The following MYOCD variants were observed in gnomAD, a reference collection of about 807,000 sequenced individuals.
MYOCD encodes myocardin.
In MYOCD, 32 loss-of-function variants were observed where a neutral mutation model predicts 96.1. The ratio of observed to expected loss-of-function variants is 0.33; its 90% CI spans 0.25 to 0.45. The LOEUF is 0.45. Ranked by LOEUF, MYOCD falls within the 20% of genes least tolerant of loss-of-function variation. The pLI, the probability that MYOCD is intolerant of heterozygous loss-of-function variation, is 1.00. For synonymous variants in MYOCD, 469 were observed against 469.0 expected (o/e 1.00, Z 0.00); for missense variants, 1,133 against 1,200.6 (o/e 0.94, Z 0.83).
chr17:12,759,797 C>A (rs2033119357), intron 12 of MYOCD, among the ~76,000 whole-genome samples: 1 of 152,108 alleles, frequency 6.6e-6, no homozygotes, highest in Non-Finnish European at 1.5e-5. Flanking sequence ...AGCAACCAAG[C>A]AAGAGGTAGA....
intron 1 of MYOCD, among the ~76,000 whole-genome samples, chr17:12,678,778 C>T (rs1910263631): frequency 6.6e-6 from 1 of 152,136 alleles, no homozygotes; most frequent in African/African-American, 2.4e-5. Context: ...TCACTGCAAG[C>T]TCCACCTTCC....
chr17:12,746,926 A>G (rs1255039004), intron 9 of MYOCD, among the ~76,000 whole-genome samples: 1 of 151,880 alleles, frequency 6.6e-6, no homozygotes, highest in Non-Finnish European at 1.5e-5. Context: ...ACAGGGTTTC[A>G]CCAGTTGGCC....
intron 9 of MYOCD, among the ~76,000 whole-genome samples, chr17:12,750,241 A>T (rs2032806999): frequency 1.3e-5 from 2 of 152,150 alleles, no homozygotes; most frequent in African/African-American, 4.8e-5. Flanking sequence ...GTGTGAACTG[A>T]ATCACCTGAG....
chr17:12,679,670 G>A (rs535534833), intron 1 of MYOCD, among the ~76,000 whole-genome samples: 2 of 152,206 alleles, frequency 1.3e-5, no homozygotes, highest in South Asian at 2.1e-4. Flanking sequence ...CAGTAACACC[G>A]AGGGAAAAAC....
At chr17:12,736,574 T>C (rs2032352437) in intron 6 of MYOCD, among the ~76,000 whole-genome samples, 3 of 152,174 alleles carry the variant, frequency 2.0e-5, no homozygotes, top group African/African-American at 7.2e-5. Context: ...CTTTAACTTA[T>C]CCATTAAGCA....
chr17:12,755,826 C>G (rs1469635175), intron 10 of MYOCD, among the ~76,000 whole-genome samples: 3 of 152,108 alleles, frequency 2.0e-5, no homozygotes, highest in African/African-American at 7.2e-5. Context: ...GAGCCGAGAT[C>G]GCACCACTGC....
intron 2 of MYOCD, chr17:12,710,583 G>A (rs987188898): frequency 3.2e-5 from 28 of 865,280 alleles, no homozygotes; most frequent in African/African-American, 3.7e-5. Flanking sequence ...CAAGAAGAAT[G>A]ACCGGGGCAA....
chr17:12,732,104 T>G (rs973981764), intron 5 of MYOCD, among the ~76,000 whole-genome samples: 1 of 152,172 alleles, frequency 6.6e-6, no homozygotes, highest in African/African-American at 2.4e-5. Flanking sequence ...GGAGTCATAT[T>G]TGGGGCCTTG....
chr17:12,696,930 A>G (rs117110127), intron 1 of MYOCD, among the ~76,000 whole-genome samples: 2 of 152,280 alleles, frequency 1.3e-5, no homozygotes, highest in East Asian at 3.9e-4. Context: ...GCCAGGAGCT[A>G]GTTTCAGAGG....
Position 12,722,944 on chromosome 17 carries a change from G to A in MYOCD, c.351G>A (p.Gly117=), listed in dbSNP as rs754982425. ...ATGAAAAAATTGCTCTACGACCAGG[G>A]CCACTGGAGCTGGTGGAAAAAAACA... is the stretch of plus-strand genomic sequence containing the variant. The part of the protein sequence containing the change: ...DLNEKIALRP[G]PLELVEKNIL... Residue 117 remains glycine, a synonymous_variant, in exon 5 of 14, where the codon GGG becomes GGA. Coordinates refer to ENST00000425538, the MANE Select transcript of MYOCD (RefSeq NM_001146312.3). The A allele has an allele frequency of 1.2e-6, 2 of 1,613,922 alleles. No homozygotes were observed. Among genetic ancestry groups the A allele is most frequent in the Non-Finnish European group, 1.7e-6 (2 of 1,179,958 alleles).
intron 2 of MYOCD, among the ~76,000 whole-genome samples, chr17:12,714,102 C>T (rs1660026546): frequency 6.6e-6 from 1 of 151,980 alleles, no homozygotes; most frequent in African/African-American, 2.4e-5. Flanking sequence ...GGCAATTCTG[C>T]ATGTTCCTTC....
In MYOCD at chr17:12,732,089, G is replaced by A. The variant is rs77360005; in HGVS notation, c.416-4072G>A. Among the ~76,000 whole-genome samples, 19 of 152,254 alleles carry A rather than the reference G, an allele frequency of 1.2e-4. No individual in the cohort carries two copies. The East Asian group carries it at 3.5e-3, about 28-fold the overall frequency. ...TGGCACATTGTGCTTTTTAGATACC[G>A]GAGAGGAGTCATATTTGGGGCCTTG... On this transcript the variant is annotated intron_variant, in intron 5 of 13. Transcript: ENST00000425538.
chr17:12,726,951 C>T (rs1010462770), intron 5 of MYOCD, among the ~76,000 whole-genome samples: 1 of 151,966 alleles, frequency 6.6e-6, no homozygotes, highest in African/African-American at 2.4e-5. Context: ...TACAACTTAC[C>T]TATTACTAAA....
Position 12,758,159 on chromosome 17 carries a change from T to C in MYOCD, c.2277T>C (p.Ser759=). ...SIPSPTFSKS[S]SAISEVTQPP... ...CATCCCCAACTTTTTCTAAGTCAAG[T>C]TCAGCAATTTCAGAGGTAACACAGC... Residue 759 remains serine (S), a synonymous_variant, in exon 12 of 14, where the codon AGT becomes AGC. Coordinates refer to ENST00000425538, the MANE Select transcript of MYOCD (RefSeq NM_001146312.3). 1 of 1,614,176 alleles carries C rather than the reference T, an allele frequency of 6.2e-7. No homozygotes were observed.
intron 5 of MYOCD, among the ~76,000 whole-genome samples, chr17:12,731,820 C>T (rs996977169): frequency 6.6e-5 from 10 of 152,244 alleles, no homozygotes; most frequent in Non-Finnish European, 1.5e-4. Context: ...AAGGAAGCCA[C>T]TGCTATGTAC....
chr17:12,764,266 G>T lies in MYOCD; in HGVS notation c.*622G>T, dbSNP rs2033272196. On this transcript the variant is annotated 3_prime_UTR_variant, in exon 14 of 14. Coordinates refer to ENST00000425538, the MANE Select transcript of MYOCD (RefSeq NM_001146312.3). ...GCCCTGCTGGAGTGGTTCTGAACCTGTACCCAGGACTCGATGTGGTCACTA... is the reference window on the plus strand; with the variant it reads ...GCCCTGCTGGAGTGGTTCTGAACCTTTACCCAGGACTCGATGTGGTCACTA... 1 of 152,212 alleles carries T rather than the reference G, an allele frequency of 6.6e-6. No homozygotes were observed. Among genetic ancestry groups the T allele is most frequent in the Non-Finnish European group, 1.5e-5 (1 of 68,102 alleles). The allele number at this position is 152,212 out of a possible 1,614,324, so 9.4% of individuals were successfully genotyped here.
chr17:12,766,479 C>G lies in MYOCD; in HGVS notation c.*2835C>G, dbSNP rs543751291. ...CTACAGTCTCCACAAACCGCATTCACCCTCTCTCTTCATAGCTCAGACATG... is the reference window on the plus strand; with the variant it reads ...CTACAGTCTCCACAAACCGCATTCAGCCTCTCTCTTCATAGCTCAGACATG... On this transcript the variant is annotated 3_prime_UTR_variant, in exon 14 of 14. Coordinates refer to ENST00000425538, the MANE Select transcript of MYOCD (RefSeq NM_001146312.3). The G allele has an allele frequency of 6.6e-6, 1 of 152,196 alleles. No homozygotes were observed. Among genetic ancestry groups the G allele is most frequent in the Non-Finnish European group, 1.5e-5 (1 of 68,048 alleles). 9.4% of individuals were successfully genotyped at this position (152,196 alleles called of 1,614,324 possible). A position where few individuals can be genotyped will look rare whatever the true frequency, so the allele number is the denominator to read the frequency against.
At chr17:12,671,649 G>T (rs940331952) in intron 1 of MYOCD, among the ~76,000 whole-genome samples, 2 of 152,196 alleles carry the variant, frequency 1.3e-5, no homozygotes, top group Admixed American at 1.3e-4. Flanking sequence ...ACCAGGAAGA[G>T]TGGCATTTGT....
chr17:12,677,301 T>C (rs1910123959), intron 1 of MYOCD, among the ~76,000 whole-genome samples: 1 of 151,754 alleles, frequency 6.6e-6, no homozygotes, highest in African/African-American at 2.4e-5. Context: ...AACTAATGGG[T>C]ATTAGGCTTA....
Sources: allele counts gnomAD v4.1 joint callset (sites outside exome capture counted in the v4.1 genomes callset), GRCh38; gene constraint gnomAD v4.1.1; transcripts MANE v1.5; gene names NCBI Gene and HGNC (gene_info 2026-07-23, HGNC 2026-07-21).